Variants in RNLS observed in about 807,000 individuals in gnomAD.
The protein encoded by RNLS is renalase.
Under a neutral mutation model 39.8 loss-of-function variants are expected in RNLS, and 39 were observed. The observed-to-expected ratio is 0.98, with a 90% confidence interval of 0.76 to 1.28. The LOEUF is 1.28. Ranked by LOEUF, RNLS falls within the 50% of genes most tolerant of loss-of-function variation. The probability of loss-of-function intolerance (pLI) is 0.00; values close to 1 mark genes in which losing one functional copy is unlikely to be tolerated. For missense variants in RNLS, 410 were observed against 413.3 expected (o/e 0.99, Z 0.07); for synonymous variants, 147 against 150.7 (o/e 0.98, Z 0.18).
At chr10:88,439,534 T>C (rs966537857) in intron 4 of RNLS, among the ~76,000 whole-genome samples, 1 of 152,210 alleles carries the variant, frequency 6.6e-6, no homozygotes, top group African/African-American at 2.4e-5. Flanking sequence ...AAAAGGAATA[T>C]ATAAGTATGA....
At position 88,300,434 on chromosome 10, in the gene RNLS, T is replaced by C. The variant is rs1213767542; in HGVS notation, c.876+14032A>G. ...TACTGGTCATTCCTCAAGTATTCTT[T>C]GCCTCTTTTGCTTCTGAAAAAGTAC... On this transcript the variant is annotated intron_variant, in intron 6 of 6. Coordinates refer to ENST00000331772, the MANE Select transcript of RNLS (RefSeq NM_001031709.3). Among the ~76,000 whole-genome samples the C allele has an allele frequency of 2.6e-5, 4 of 152,258 alleles. No individual in the cohort carries two copies. The East Asian group carries it at 7.7e-4, about 29-fold the overall frequency.
the RNLS span, among the ~76,000 whole-genome samples, chr10:88,188,805 G>T: frequency 2.0e-5 from 3 of 152,148 alleles, no homozygotes; most frequent in African/African-American, 7.2e-5. Flanking sequence ...GAATATTTTA[G>T]AATTCATTGT....
At chr10:88,511,036 C>A (rs200555539) in intron 4 of RNLS, among the ~76,000 whole-genome samples, 188 of 53,066 alleles carry the variant, frequency 3.5e-3, no homozygotes, top group African/African-American at 7.3e-3. Context: ...AAAAAAAAAC[C>A]AAAAACCTGA....
intron 4 of RNLS, among the ~76,000 whole-genome samples, chr10:88,416,879 C>T (rs1304758737): frequency 1.3e-5 from 2 of 152,172 alleles, no homozygotes; most frequent in Non-Finnish European, 2.9e-5. Flanking sequence ...ATTGGGGCCC[C>T]AAGATGATCT....
intron 6 of RNLS, among the ~76,000 whole-genome samples, chr10:88,289,218 T>G (rs74146693): frequency 0.054 from 8,249 of 152,240 alleles, 287 homozygotes; most frequent in African/African-American, 0.094. Context: ...TTATATAAAA[T>G]GCAAACGCCA....
chr10:88,227,939 G>C, the RNLS span, among the ~76,000 whole-genome samples: 1 of 152,162 alleles, frequency 6.6e-6, no homozygotes, highest in Admixed American at 6.5e-5. Context: ...GGACTAAGGA[G>C]GGTGGGCTTC....
chr10:88,181,343 G>A, the RNLS span, among the ~76,000 whole-genome samples: 1 of 152,012 alleles, frequency 6.6e-6, no homozygotes, highest in African/African-American at 2.4e-5. Flanking sequence ...TACAACCTCC[G>A]CTATGGAATG....
chr10:88,527,901 G>C (rs1847200732), intron 4 of RNLS, among the ~76,000 whole-genome samples: 2 of 151,058 alleles, frequency 1.3e-5, no homozygotes, highest in African/African-American at 4.9e-5. Flanking sequence ...ATAAGATAGT[G>C]CATCCAGAAA....
At chr10:88,227,827 A>G in the RNLS span, among the ~76,000 whole-genome samples, 1 of 152,196 alleles carries the variant, frequency 6.6e-6, no homozygotes, top group African/African-American at 2.4e-5. Context: ...CATTGCATGC[A>G]TGGTTATTTC....
chr10:88,362,660 G>A lies in RNLS; in HGVS notation c.592C>T (p.Leu198Phe), dbSNP rs1165009718. Residue 198 changes from leucine to phenylalanine, a missense_variant, in exon 5 of 7, where the codon CTC becomes TTC. Coordinates refer to ENST00000331772, the MANE Select transcript of RNLS (RefSeq NM_001031709.3). ...VSYSSRYALG[L>F]FYEAGTKIDV... is the part of the protein sequence containing the mutation. ...ATCTTCGTACCAGCTTCATAAAAGA[G>A]GCCCAGAGCATATCGAGAGGAGTAG... is the stretch of plus-strand genomic sequence containing the variant. 1.2e-6 allele frequency: 2 copies of A among 1,613,790 alleles called. No individual in the cohort carries two copies. Among genetic ancestry groups the A allele is most frequent in the Admixed American group, 1.7e-5 (1 of 59,906 alleles).
chr10:88,499,383 C>A (rs891199131), intron 4 of RNLS, among the ~76,000 whole-genome samples: 1 of 152,122 alleles, frequency 6.6e-6, no homozygotes, highest in Non-Finnish European at 1.5e-5. Context: ...GTGAAAATGG[C>A]TTCTGAGCAT....
intron 4 of RNLS, among the ~76,000 whole-genome samples, chr10:88,392,862 G>A (rs560694238): frequency 2.6e-5 from 4 of 152,202 alleles, no homozygotes; most frequent in African/African-American, 9.6e-5. Flanking sequence ...TTCATCCCTG[G>A]GATGCAAGGC....
chr10:88,246,750 T>C, the RNLS span, among the ~76,000 whole-genome samples: 7,453 of 152,240 alleles, frequency 0.049, 259 homozygotes, highest in East Asian at 0.13. Context: ...CATTCCTTAC[T>C]GCAAGAAATC....
At chr10:88,272,869 T>A (rs1013020253), downstream of RNLS, among the ~76,000 whole-genome samples, 1 of 152,136 alleles carries the variant, frequency 6.6e-6, no homozygotes, top group Non-Finnish European at 1.5e-5. Context: ...GTGTAGAAAC[T>A]TTGTCTCGCT....
At chr10:88,248,150 A>G in the RNLS span, among the ~76,000 whole-genome samples, 60 of 152,230 alleles carry the variant, frequency 3.9e-4, no homozygotes, top group Non-Finnish European at 7.5e-4. Flanking sequence ...TGGTAATTTA[A>G]ATTTTTCCCT....
At chr10:88,566,710 G>A (rs1298909664) in intron 4 of RNLS, among the ~76,000 whole-genome samples, 8 of 152,110 alleles carry the variant, frequency 5.3e-5, no homozygotes, top group Admixed American at 4.6e-4. Flanking sequence ...AGTTGAAAGT[G>A]AGTTAAAAGA....
intron 4 of RNLS, among the ~76,000 whole-genome samples, chr10:88,407,085 A>T (rs982002560): frequency 2.0e-5 from 3 of 152,026 alleles, no homozygotes; most frequent in Admixed American, 2.0e-4. Context: ...AAAGACTACA[A>T]ATATGGTGCA....
intron 6 of RNLS, among the ~76,000 whole-genome samples, chr10:88,277,312 C>A (rs1382303285): frequency 6.6e-6 from 1 of 151,844 alleles, no homozygotes; most frequent in African/African-American, 2.4e-5. Flanking sequence ...GCATTGCAAA[C>A]CAGGGTGCCT....
the RNLS span, among the ~76,000 whole-genome samples, chr10:88,216,522 C>G: frequency 2.0e-5 from 3 of 152,268 alleles, no homozygotes; most frequent in East Asian, 5.8e-4. Context: ...AACACAGAAT[C>G]TCTTTTCCAA....
Sources: gnomAD v4.1 joint callset for allele counts (sites outside exome capture counted in the v4.1 genomes callset) on GRCh38, gnomAD v4.1.1 for gene constraint, MANE v1.5 for transcripts, NCBI Gene and HGNC (gene_info 2026-07-23, HGNC 2026-07-21) for gene names.